Variants in DOCK2 observed in about 807,000 individuals in gnomAD.
DOCK2 encodes dedicator of cytokinesis protein 2.
Under a neutral mutation model 248.9 loss-of-function variants are expected in DOCK2, and 87 were observed. That is an observed-to-expected ratio of 0.35 (90% CI 0.29 to 0.42). The LOEUF (loss-of-function observed/expected upper bound fraction) is 0.42. Among genes scored for constraint, DOCK2 ranks in the 10% least tolerant of loss-of-function variants. The probability of loss-of-function intolerance (pLI) is 1.00; values close to 1 mark genes in which losing one functional copy is unlikely to be tolerated. For missense variants in DOCK2, 1,747 were observed against 2,300.2 expected (o/e 0.76, Z 4.92); for synonymous variants, 805 against 821.6 (o/e 0.98, Z 0.35).
intron 23 of DOCK2, among the ~76,000 whole-genome samples, chr5:169,757,364 T>TAAA (rs34457399): frequency 6.6e-6 from 1 of 151,260 alleles, no homozygotes; most frequent in African/African-American, 2.4e-5. Context: ...GTTCTATAGT[T>TAAA]AAAAAAAAAC....
intron 32 of DOCK2, among the ~76,000 whole-genome samples, chr5:170,014,957 G>A (rs1296027522): frequency 9.9e-5 from 15 of 152,204 alleles, no homozygotes; most frequent in African/African-American, 3.6e-4. Flanking sequence ...GAAGAGTGGA[G>A]GGTTGTGAGT....
chr5:169,964,451 G>A (rs1003995859), intron 27 of DOCK2, among the ~76,000 whole-genome samples: 1 of 152,262 alleles, frequency 6.6e-6, no homozygotes, highest in East Asian at 1.9e-4. Context: ...CTGGGAGGGG[G>A]CAGCTAGACG....
At position 169,797,087 on chromosome 5, in the gene DOCK2, A is replaced by G. The variant is rs149627654; in HGVS notation, c.2555-5971A>G. 3.7e-3 allele frequency among the ~76,000 whole-genome samples: 559 copies of G among 152,344 alleles called. 10 individuals carry two copies. The highest frequency in any genetic ancestry group is 0.013 in the African/African-American group (545 of 41,584). ...AAGTTGGCTTGAGGGTAGAATGGAC[A>G]TAACTTCATGATGGATTAGATGCTG... On this transcript the variant is annotated intron_variant, in intron 25 of 51. Transcript: ENST00000520908.
intron 25 of DOCK2, among the ~76,000 whole-genome samples, chr5:169,795,603 G>A (rs1427859785): frequency 6.6e-6 from 1 of 152,180 alleles, no homozygotes; most frequent in African/African-American, 2.4e-5. Flanking sequence ...TTTCCCAGTG[G>A]GCGGAATTAG....
intron 27 of DOCK2, among the ~76,000 whole-genome samples, chr5:169,951,065 G>A (rs1424082386): frequency 6.6e-6 from 1 of 152,226 alleles, no homozygotes. Flanking sequence ...CACAGTGATT[G>A]GCTGGAGCTG....
At chr5:170,030,105 T>A (rs1427617453) in intron 34 of DOCK2, among the ~76,000 whole-genome samples, 3 of 152,214 alleles carry the variant, frequency 2.0e-5, no homozygotes, top group Admixed American at 6.5e-5. Flanking sequence ...AATCAAAATA[T>A]TGACCAGAAG....
chr5:169,657,670 G>A (rs1016143066), intron 2 of DOCK2, among the ~76,000 whole-genome samples: 1 of 152,192 alleles, frequency 6.6e-6, no homozygotes, highest in African/African-American at 2.4e-5. Flanking sequence ...GGCATCAGAA[G>A]ACTTTATTTA....
At chr5:170,005,792 T>C (rs1581521074) in intron 30 of DOCK2, among the ~76,000 whole-genome samples, 1 of 152,126 alleles carries the variant, frequency 6.6e-6, no homozygotes, top group Admixed American at 6.6e-5. Flanking sequence ...GAAAATGCTT[T>C]TTTGATGGAT....
At chr5:169,911,556 A>C (rs1237585518) in intron 27 of DOCK2, among the ~76,000 whole-genome samples, 1 of 152,240 alleles carries the variant, frequency 6.6e-6, no homozygotes, top group Non-Finnish European at 1.5e-5. Flanking sequence ...ATAAAACTTT[A>C]GGAGTAATTA....
chr5:169,637,514 G>A (rs1756893489), intron 1 of DOCK2, 145 bp downstream of exon 1: 4 of 990,398 alleles, frequency 4.0e-6, no homozygotes, highest in East Asian at 6.8e-5. Flanking sequence ...CGGGGCCTCG[G>A]GGCGGGAAAG....
At chr5:170,056,481 T>C (rs1425885472) in intron 42 of DOCK2, 3 of 519,798 alleles carry the variant, frequency 5.8e-6, no homozygotes, top group Non-Finnish European at 1.0e-5. Flanking sequence ...CAGTCTACCT[T>C]CTAAATTGCC....
At chr5:169,654,860 G>A (rs568825921) in intron 2 of DOCK2, among the ~76,000 whole-genome samples, 1 of 152,306 alleles carries the variant, frequency 6.6e-6, no homozygotes, top group East Asian at 1.9e-4. Flanking sequence ...CAGGAGAGCC[G>A]ATGTGCACAG....
chr5:169,701,652 C>T (rs1223308672), intron 13 of DOCK2, among the ~76,000 whole-genome samples: 1 of 152,052 alleles, frequency 6.6e-6, no homozygotes, highest in Non-Finnish European at 1.5e-5. Context: ...GCAGTTGGGA[C>T]CACAGGCATG....
At position 169,849,053 on chromosome 5, in the gene DOCK2, G is replaced by A. The variant is rs546936826; in HGVS notation, c.2799+8201G>A. Among the ~76,000 whole-genome samples, 11 of 152,232 alleles carry A rather than the reference G, an allele frequency of 7.2e-5. No individual in the cohort carries two copies. The East Asian group carries it at 7.7e-4, about 11-fold the overall frequency. ...TAGCAACTCCTCCCAACCCCAGTCC[G>A]TGGCAAGCAGGAGGGAGGACAGTCT... On this transcript the variant is annotated intron_variant, in intron 27 of 51. Transcript: ENST00000520908.
At chr5:170,035,854 C>G (rs554441338) in intron 35 of DOCK2, among the ~76,000 whole-genome samples, 1 of 152,222 alleles carries the variant, frequency 6.6e-6, no homozygotes, top group South Asian at 2.1e-4. Flanking sequence ...CCTGGTGTGG[C>G]TCATGGATTG....
At chr5:169,644,147 G>A (rs1034219722) in intron 1 of DOCK2, among the ~76,000 whole-genome samples, 3 of 152,190 alleles carry the variant, frequency 2.0e-5, no homozygotes, top group Non-Finnish European at 4.4e-5. Flanking sequence ...TGCCTCGTAG[G>A]TATTGTGAGG....
At chr5:170,067,135 G>A (rs2113867505) in intron 44 of DOCK2, among the ~76,000 whole-genome samples, 1 of 152,304 alleles carries the variant, frequency 6.6e-6, no homozygotes, top group African/African-American at 2.4e-5. Context: ...CACATCGCAA[G>A]CTGCTCTAAT....
intron 25 of DOCK2, among the ~76,000 whole-genome samples, chr5:169,784,432 G>A (rs1421906762): frequency 1.3e-5 from 2 of 152,160 alleles, no homozygotes; most frequent in Non-Finnish European, 2.9e-5. Context: ...ACCACAAGTT[G>A]GTGGCAGAAT....
chr5:169,936,291 T>A (rs1414764730), intron 27 of DOCK2, among the ~76,000 whole-genome samples: 1 of 152,112 alleles, frequency 6.6e-6, no homozygotes, highest in Non-Finnish European at 1.5e-5. Flanking sequence ...ACGACAGAGA[T>A]GGGGCTAGGC....
Sources: gnomAD v4.1 joint callset for allele counts (sites outside exome capture counted in the v4.1 genomes callset) on GRCh38, gnomAD v4.1.1 for gene constraint, MANE v1.5 for transcripts, NCBI Gene and HGNC (gene_info 2026-07-23, HGNC 2026-07-21) for gene names.